Variants in SUGCT observed in about 807,000 individuals in gnomAD.
SUGCT encodes the protein succinyl-CoA:glutarate-CoA transferase, also known as succinyl-CoA:glutarate CoA-transferase.
A neutral mutation model predicts 55.0 loss-of-function variants in SUGCT; 41 were observed. The observed-to-expected ratio is 0.74, with a 90% CI of 0.58 to 0.97. The LOEUF (loss-of-function observed/expected upper bound fraction) is 0.97. Among genes scored for constraint, SUGCT ranks in the 50% least tolerant of loss-of-function variants. SUGCT has a pLI of 0.00. For synonymous variants in SUGCT, 187 were observed against 200.4 expected (o/e 0.93, Z 0.56); for missense variants, 568 against 547.8 (o/e 1.04, Z -0.37).
intron 7 of SUGCT, among the ~76,000 whole-genome samples, chr7:40,272,707 T>G (rs1792171780): frequency 6.6e-6 from 1 of 151,152 alleles, no homozygotes; most frequent in African/African-American, 2.4e-5. Context: ...TTACCCATGC[T>G]GGAGTGCAGT....
At chr7:40,251,825 A>G (rs1262725285) in intron 7 of SUGCT, among the ~76,000 whole-genome samples, 1 of 151,996 alleles carries the variant, frequency 6.6e-6, no homozygotes. Context: ...TGCTGTCCAC[A>G]CAGGCAGCAC....
At chr7:40,423,938 A>T (rs1370083611) in intron 9 of SUGCT, among the ~76,000 whole-genome samples, 1 of 151,976 alleles carries the variant, frequency 6.6e-6, no homozygotes, top group African/African-American at 2.4e-5. Context: ...AGTTTTTCTA[A>T]TTTTTTTGAC....
chr7:40,944,208 A>C, the SUGCT span, among the ~76,000 whole-genome samples: 3 of 151,888 alleles, frequency 2.0e-5, no homozygotes, highest in African/African-American at 7.2e-5. Flanking sequence ...AGGTTGTGAA[A>C]ATTTTCTCCC....
rs1001039502 is a variant in SUGCT at position 40,433,881 on chromosome 7, T to C, written c.817-15406T>C. Among the ~76,000 whole-genome samples the C allele has an allele frequency of 1.5e-4, 23 of 152,334 alleles. 2 individuals are homozygous for C. Among genetic ancestry groups the C allele is most frequent in the Admixed American group, 1.5e-3 (23 of 15,296 alleles). On this transcript the variant is annotated intron_variant, in intron 9 of 13. Transcript: ENST00000335693. Reference sequence around the variant, plus strand: ...CAGGAATCCCAGAGAAACTGAAATATAATAATTACTCACACAGATAAATGA... The same window carrying C: ...CAGGAATCCCAGAGAAACTGAAATACAATAATTACTCACACAGATAAATGA...
At chr7:40,549,392 T>G (rs1439729586) in intron 12 of SUGCT, among the ~76,000 whole-genome samples, 1 of 152,160 alleles carries the variant, frequency 6.6e-6, no homozygotes, top group Non-Finnish European at 1.5e-5. Context: ...ATGACTGAAT[T>G]TAGTTGAATG....
At chr7:40,144,669 C>T (rs547863150) in intron 1 of SUGCT, among the ~76,000 whole-genome samples, 6 of 152,250 alleles carry the variant, frequency 3.9e-5, no homozygotes, top group African/African-American at 1.4e-4. Flanking sequence ...GGAAGATAAA[C>T]CAAGTATACA....
intron 6 of SUGCT, among the ~76,000 whole-genome samples, chr7:40,220,054 T>A (rs1037984506): frequency 1.3e-5 from 2 of 152,248 alleles, no homozygotes; most frequent in Admixed American, 6.5e-5. Flanking sequence ...ACACATGATT[T>A]ATCATTTAAG....
chr7:40,274,600 CA>C lies in SUGCT; in HGVS notation c.669del (p.Lys223AsnfsTer25), dbSNP rs1388625992. On this transcript the variant is annotated frameshift_variant, in exon 8 of 14. Coordinates refer to ENST00000335693, the MANE Select transcript of SUGCT (RefSeq NM_001193313.2). LOFTEE classifies it high-confidence loss of function. ...TGGAGCTATTATGGCTGGATTGATA[CA>C]AAAATACAAAACTGGGAAAGGACTG... The part of the protein sequence containing the change: ...AYGAIMAGLI[Q>X]KYKTGKGLFI... 6.2e-7 allele frequency: 1 copy of C among 1,613,648 alleles called. No homozygotes were observed.
intron 9 of SUGCT, among the ~76,000 whole-genome samples, chr7:40,439,038 A>G (rs1788326918): frequency 7.5e-6 from 1 of 132,932 alleles, no homozygotes; most frequent in Non-Finnish European, 1.6e-5. Context: ...ATAATATGGT[A>G]TATATATATA....
At chr7:40,845,764 G>A (rs1380684662) in intron 13 of SUGCT, among the ~76,000 whole-genome samples, 1 of 152,040 alleles carries the variant, frequency 6.6e-6, no homozygotes, top group East Asian at 1.9e-4. Flanking sequence ...AGGTTTGGGG[G>A]GCCTAATTTT....
At chr7:40,730,103 A>C (rs561165187) in intron 12 of SUGCT, among the ~76,000 whole-genome samples, 17 of 152,138 alleles carry the variant, frequency 1.1e-4, no homozygotes, top group African/African-American at 4.1e-4. Flanking sequence ...GAGTCCATTC[A>C]GATAGTATTT....
the SUGCT span, among the ~76,000 whole-genome samples, chr7:41,036,177 A>C: frequency 6.6e-6 from 1 of 152,182 alleles, no homozygotes; most frequent in Admixed American, 6.5e-5. Context: ...AATGGGTGCA[A>C]TAATGAGTGG....
At chr7:40,481,619 TAGAAAATCATCAAAA>T (rs1791047615) in intron 11 of SUGCT, among the ~76,000 whole-genome samples, 1 of 151,954 alleles carries the variant, frequency 6.6e-6, no homozygotes, top group Non-Finnish European at 1.5e-5. Context: ...AATAACCCAA[TAGAAAATCATCAAAA>T]AGATATAACC....
chr7:40,548,090 C>T (rs1795090042), intron 12 of SUGCT, among the ~76,000 whole-genome samples: 1 of 151,806 alleles, frequency 6.6e-6, no homozygotes, highest in Non-Finnish European at 1.5e-5. Flanking sequence ...CATTTAGTGA[C>T]CTCAGTTTTA....
At chr7:40,949,105 C>T in the SUGCT span, among the ~76,000 whole-genome samples, 1 of 152,200 alleles carries the variant, frequency 6.6e-6, no homozygotes, top group African/African-American at 2.4e-5. Context: ...TCCACATCCT[C>T]TCCAGCATCT....
chr7:40,645,796 G>C (rs1281583145), intron 12 of SUGCT, among the ~76,000 whole-genome samples: 1 of 152,158 alleles, frequency 6.6e-6, no homozygotes, highest in Non-Finnish European at 1.5e-5. Context: ...TGGGAGGTCA[G>C]CTTCTCTGCC....
downstream of SUGCT, among the ~76,000 whole-genome samples, chr7:40,864,416 T>C (rs1399339041): frequency 6.6e-6 from 1 of 152,034 alleles, no homozygotes; most frequent in Non-Finnish European, 1.5e-5. Flanking sequence ...CCTCCCAAAG[T>C]GCTAGGATTA....
At chr7:40,190,335 C>T (rs1233867613) in intron 5 of SUGCT, among the ~76,000 whole-genome samples, 1 of 152,010 alleles carries the variant, frequency 6.6e-6, no homozygotes, top group Non-Finnish European at 1.5e-5. Flanking sequence ...CTGCAACCTC[C>T]ACCTCCTGGG....
intron 12 of SUGCT, among the ~76,000 whole-genome samples, chr7:40,515,347 T>G (rs950890104): frequency 4.6e-5 from 7 of 152,214 alleles, no homozygotes; most frequent in Admixed American, 2.0e-4. Flanking sequence ...TACTGTAAAA[T>G]TACCTTTTTA....
Sources: gnomAD v4.1 joint callset for allele counts (sites outside exome capture counted in the v4.1 genomes callset) on GRCh38, gnomAD v4.1.1 for gene constraint, MANE v1.5 for transcripts, NCBI Gene and HGNC (gene_info 2026-07-23, HGNC 2026-07-21) for gene names.